The following UNC13C variants were observed in gnomAD, a reference collection of about 807,000 sequenced individuals.
UNC13C encodes unc-13 homolog C, also known as protein unc-13 homolog C.
UNC13C carries 174 observed loss-of-function variants against 245.4 expected under a neutral mutation model. The ratio of observed to expected loss-of-function variants is 0.71; its 90% CI spans 0.63 to 0.80. The LOEUF is 0.80. Among genes scored for constraint, UNC13C ranks in the 30% least tolerant of loss-of-function variants. UNC13C has a pLI of 0.00. For missense variants in UNC13C, 2,829 were observed against 2,602.9 expected (o/e 1.09, Z -1.89); for synonymous variants, 992 against 895.1 (o/e 1.11, Z -1.93).
intron 19 of UNC13C, among the ~76,000 whole-genome samples, chr15:54,471,979 G>T (rs1423133776): frequency 6.6e-6 from 1 of 151,736 alleles, no homozygotes; most frequent in Non-Finnish European, 1.5e-5. Flanking sequence ...TGATAGATAA[G>T]AACTTACAAG....
intron 26 of UNC13C, among the ~76,000 whole-genome samples, chr15:54,545,111 T>C (rs763499861): frequency 6.6e-6 from 1 of 152,044 alleles, no homozygotes; most frequent in Non-Finnish European, 1.5e-5. Context: ...TATAGACCAA[T>C]GGAACAGAAC....
chr15:54,008,698 A>T (rs1010828818), intron 1 of UNC13C, among the ~76,000 whole-genome samples: 2 of 152,128 alleles, frequency 1.3e-5, no homozygotes, highest in South Asian at 4.1e-4. Flanking sequence ...ATTTTACTTT[A>T]AAAAAATGAA....
intron 19 of UNC13C, among the ~76,000 whole-genome samples, chr15:54,440,547 C>T (rs1354702690): frequency 6.6e-6 from 1 of 151,922 alleles, no homozygotes; most frequent in Non-Finnish European, 1.5e-5. Flanking sequence ...CATCTTTATC[C>T]ATCCATCCAT....
chr15:54,217,315 G>T (rs954981603), intron 4 of UNC13C, among the ~76,000 whole-genome samples: 11 of 151,888 alleles, frequency 7.2e-5, no homozygotes, highest in African/African-American at 2.7e-4. Context: ...ACCAGGATGT[G>T]GCATCATCAG....
intron 2 of UNC13C, among the ~76,000 whole-genome samples, chr15:54,056,446 A>C (rs1897528240): frequency 6.6e-6 from 1 of 152,222 alleles, no homozygotes; most frequent in Non-Finnish European, 1.5e-5. Flanking sequence ...GCCTCCAAGA[A>C]ATATGGGACT....
At chr15:54,567,151 A>G (rs991975939) in intron 29 of UNC13C, among the ~76,000 whole-genome samples, 11 of 152,108 alleles carry the variant, frequency 7.2e-5, no homozygotes, top group Non-Finnish European at 1.6e-4. Context: ...CAATTACCAT[A>G]TATCTTCTCT....
chr15:54,397,412 A>G (rs1203766022), intron 18 of UNC13C, among the ~76,000 whole-genome samples: 3 of 151,490 alleles, frequency 2.0e-5, no homozygotes, highest in Non-Finnish European at 4.4e-5. Flanking sequence ...CCAGTACTGC[A>G]TGTCTTGGTC....
intron 25 of UNC13C, among the ~76,000 whole-genome samples, chr15:54,532,258 A>C (rs543608564): frequency 6.6e-6 from 1 of 152,302 alleles, no homozygotes; most frequent in Admixed American, 6.5e-5. Context: ...TCCATTGTGG[A>C]AGACAGTGTG....
chr15:53,907,250 T>G, the UNC13C span, among the ~76,000 whole-genome samples: 1 of 152,214 alleles, frequency 6.6e-6, no homozygotes, highest in Non-Finnish European at 1.5e-5. Flanking sequence ...TTCTGTTTTA[T>G]GCAAACAACA....
chr15:54,455,311 C>T lies in UNC13C; in HGVS notation c.4934-39297C>T, dbSNP rs191114977. 4.8e-5 allele frequency among the ~76,000 whole-genome samples: 7 copies of T among 147,042 alleles called. No individual in the cohort carries two copies. In the East Asian group the frequency reaches 1.2e-3, roughly 26 times the overall value. On this transcript the variant is annotated intron_variant, in intron 19 of 32. Coordinates refer to ENST00000260323, the MANE Select transcript of UNC13C (RefSeq NM_001080534.3). Reference sequence around the variant, plus strand: ...ATTTTTGCAATCGCAAATTGTGCTGCTATAAGTATGCATGTGCAGTGTCTT... The same window carrying T: ...ATTTTTGCAATCGCAAATTGTGCTGTTATAAGTATGCATGTGCAGTGTCTT...
chr15:54,411,546 T>C (rs1469634963), intron 18 of UNC13C, among the ~76,000 whole-genome samples: 1 of 152,172 alleles, frequency 6.6e-6, no homozygotes, highest in South Asian at 2.1e-4. Flanking sequence ...AAGATTTTTT[T>C]CTTTTTTGCA....
At chr15:54,124,653 C>CT (rs35904123) in intron 2 of UNC13C, among the ~76,000 whole-genome samples, 57,732 of 151,814 alleles carry the variant, frequency 0.38, 11,104 homozygotes, top group African/African-American at 0.41. Context: ...ATAATTGATT[C>CT]TTTCATATTA....
chr15:54,061,758 T>G (rs1330349879), intron 2 of UNC13C, among the ~76,000 whole-genome samples: 2 of 152,284 alleles, frequency 1.3e-5, no homozygotes, highest in East Asian at 3.9e-4. Context: ...GTATGCAGCC[T>G]GATAATGGCT....
intron 32 of UNC13C, among the ~76,000 whole-genome samples, chr15:54,626,227 A>G (rs1361456783): frequency 6.6e-6 from 1 of 152,122 alleles, no homozygotes; most frequent in Non-Finnish European, 1.5e-5. Context: ...GAGAGGCCAC[A>G]CACTTGACAG....
chr15:54,439,399 C>A (rs976721880), intron 19 of UNC13C, among the ~76,000 whole-genome samples: 1 of 151,778 alleles, frequency 6.6e-6, no homozygotes, highest in African/African-American at 2.4e-5. Context: ...GGATAAAATT[C>A]TCTTCTTCAA....
At chr15:54,382,272 C>A (rs2039741866) in intron 17 of UNC13C, among the ~76,000 whole-genome samples, 1 of 151,978 alleles carries the variant, frequency 6.6e-6, no homozygotes, top group African/African-American at 2.4e-5. Flanking sequence ...TTTATAGCAC[C>A]AAACAACTAC....
chr15:54,085,733 C>T (rs1899202510), intron 2 of UNC13C, among the ~76,000 whole-genome samples: 1 of 152,146 alleles, frequency 6.6e-6, no homozygotes, highest in African/African-American at 2.4e-5. Flanking sequence ...AATCTTACCA[C>T]ACAATAAAAG....
intron 14 of UNC13C, among the ~76,000 whole-genome samples, chr15:54,323,842 T>C (rs900796653): frequency 1.3e-5 from 2 of 152,066 alleles, no homozygotes; most frequent in African/African-American, 2.4e-5. Context: ...CGTCTGTGTA[T>C]ATTGTGAAGA....
intron 19 of UNC13C, among the ~76,000 whole-genome samples, chr15:54,455,951 G>C (rs932913180): frequency 3.3e-5 from 5 of 152,010 alleles, no homozygotes; most frequent in Non-Finnish European, 7.4e-5. Context: ...GTTCGTCATT[G>C]TCTCAAAGAC....
Sources: allele counts gnomAD v4.1 joint callset (sites outside exome capture counted in the v4.1 genomes callset), GRCh38; gene constraint gnomAD v4.1.1; transcripts MANE v1.5; gene names NCBI Gene and HGNC (gene_info 2026-07-23, HGNC 2026-07-21).